The following TRDN variants were observed in gnomAD, a reference collection of about 807,000 sequenced individuals.
TRDN encodes triadin in skeletal muscle.
In TRDN, 161 loss-of-function variants were observed where a neutral mutation model predicts 149.7. That is an observed-to-expected ratio of 1.08 (90% CI 0.95 to 1.23). The LOEUF (loss-of-function observed/expected upper bound fraction) is 1.23. TRDN is among the 50% of genes most tolerant of loss of function. The pLI is 0.00. For missense variants in TRDN, 896 were observed against 823.5 expected, an observed-to-expected ratio of 1.09 and a Z score of -1.08; for synonymous variants, 294 against 250.5, an observed-to-expected ratio of 1.17 and a Z score of -1.64.
At chr6:123,529,919 G>T (rs1380548700) in intron 5 of TRDN, among the ~76,000 whole-genome samples, 1 of 151,896 alleles carries the variant, frequency 6.6e-6, no homozygotes, top group Non-Finnish European at 1.5e-5. Context: ...TATAAGATAA[G>T]CAAGACAATG....
chr6:123,452,753 C>T (rs1193843044), intron 10 of TRDN, among the ~76,000 whole-genome samples: 1 of 151,968 alleles, frequency 6.6e-6, no homozygotes, highest in Non-Finnish European at 1.5e-5. Flanking sequence ...AAAAACAATT[C>T]TAAAATTCAT....
intron 1 of TRDN, among the ~76,000 whole-genome samples, chr6:123,581,631 A>T (rs149857230): frequency 6.6e-6 from 1 of 152,320 alleles, no homozygotes; most frequent in African/African-American, 2.4e-5. Flanking sequence ...CATTTTCATG[A>T]TATGAGAAAA....
chr6:123,322,796 A>C (rs770804052), intron 23 of TRDN, among the ~76,000 whole-genome samples: 12 of 151,750 alleles, frequency 7.9e-5, no homozygotes, highest in Non-Finnish European at 1.5e-4. Flanking sequence ...GCCTACCACC[A>C]CGCCCAGCTA....
intron 1 of TRDN, among the ~76,000 whole-genome samples, chr6:123,580,931 T>A (rs1783091717): frequency 6.6e-6 from 1 of 152,190 alleles, no homozygotes; most frequent in South Asian, 2.1e-4. Flanking sequence ...ATTCATTTCT[T>A]AATTTAATTT....
intron 12 of TRDN, among the ~76,000 whole-genome samples, chr6:123,416,108 A>C (rs989668904): frequency 6.6e-6 from 1 of 152,210 alleles, no homozygotes; most frequent in African/African-American, 2.4e-5. Flanking sequence ...CAGCAGTGTC[A>C]CTAAAGTTAA....
chr6:123,400,756 C>T (rs1444956688), intron 12 of TRDN, among the ~76,000 whole-genome samples: 1 of 152,154 alleles, frequency 6.6e-6, no homozygotes, highest in Non-Finnish European at 1.5e-5. Flanking sequence ...AAAAACCAGC[C>T]CCTTTTTTCT....
At chr6:123,246,144 C>G (rs1053230997) in intron 38 of TRDN, among the ~76,000 whole-genome samples, 7 of 151,872 alleles carry the variant, frequency 4.6e-5, no homozygotes, top group Non-Finnish European at 1.0e-4. Flanking sequence ...GGGAAAAATT[C>G]AAAATTGACA....
intron 24 of TRDN, among the ~76,000 whole-genome samples, chr6:123,311,803 T>C (rs1778834099): frequency 6.6e-6 from 1 of 152,006 alleles, no homozygotes; most frequent in Non-Finnish European, 1.5e-5. Context: ...AGAATGTTTC[T>C]GTTGGAGGAA....
At chr6:123,352,672 T>C (rs774802919) in intron 20 of TRDN, 86 bp from the exon 21 acceptor site, 36 of 1,493,854 alleles carry the variant, frequency 2.4e-5, no homozygotes, top group Non-Finnish European at 3.2e-5. Context: ...GTTCTTTCAA[T>C]GCTAAATCTT....
At chr6:123,625,508 TAGAA>T (rs1479403625) in intron 1 of TRDN, among the ~76,000 whole-genome samples, 8 of 152,306 alleles carry the variant, frequency 5.3e-5, no homozygotes, top group African/African-American at 1.4e-4. Context: ...GAAATATAGT[TAGAA>T]AGAATAATAT....
At chr6:123,317,020 T>C (rs929367388) in intron 23 of TRDN, among the ~76,000 whole-genome samples, 1 of 151,786 alleles carries the variant, frequency 6.6e-6, no homozygotes, top group Non-Finnish European at 1.5e-5. Flanking sequence ...TATAATAATA[T>C]AGACAATTGT....
chr6:123,280,903 C>T (rs957193742), intron 24 of TRDN, among the ~76,000 whole-genome samples: 3 of 151,886 alleles, frequency 2.0e-5, no homozygotes, highest in African/African-American at 4.8e-5. Flanking sequence ...GGAATTGGTG[C>T]GATTCCTAAT....
intron 12 of TRDN, among the ~76,000 whole-genome samples, chr6:123,404,786 G>A (rs1161898877): frequency 1.3e-5 from 2 of 152,184 alleles, no homozygotes; most frequent in Non-Finnish European, 2.9e-5. Flanking sequence ...GGTTCTAAGA[G>A]TTCAAATGCT....
intron 37 of TRDN, among the ~76,000 whole-genome samples, chr6:123,252,971 G>T (rs1484607158): frequency 6.6e-6 from 1 of 151,874 alleles, no homozygotes; most frequent in East Asian, 1.9e-4. Flanking sequence ...AAATTACTTT[G>T]CATTATGTAA....
chr6:123,446,377 A>G (rs938135256), intron 10 of TRDN, among the ~76,000 whole-genome samples: 7 of 152,034 alleles, frequency 4.6e-5, no homozygotes, highest in African/African-American at 4.8e-5. Flanking sequence ...CCTAAAACTT[A>G]AAGTATAATA....
rs1477483338 is a variant in TRDN, at chr6:123,409,326, T to G, written c.1052-15649A>C. ...AATGGGTAGTAGTCAGCAACACAGC[T>G]TTCACAGATTCTCAAAAGCAATATG... On this transcript the variant is annotated intron_variant, in intron 12 of 40. Transcript: ENST00000334268. 2.0e-5 allele frequency among the ~76,000 whole-genome samples: 3 copies of G among 152,316 alleles called. No individual in the cohort carries two copies. The East Asian group carries it at 5.8e-4, about 29-fold the overall frequency.
At chr6:123,407,937 T>C (rs1370585862) in intron 12 of TRDN, among the ~76,000 whole-genome samples, 1 of 152,216 alleles carries the variant, frequency 6.6e-6, no homozygotes, top group African/African-American at 2.4e-5. Context: ...AGTAGCAATA[T>C]TGTAAACACA....
At chr6:123,485,164 G>T (rs1023865619) in intron 9 of TRDN, among the ~76,000 whole-genome samples, 4 of 152,104 alleles carry the variant, frequency 2.6e-5, no homozygotes, top group Non-Finnish European at 4.4e-5. Context: ...TTAAGCCTAG[G>T]CTCGCTCTCA....
chr6:123,322,173 T>G (rs1582869932), intron 23 of TRDN, among the ~76,000 whole-genome samples: 4 of 152,202 alleles, frequency 2.6e-5, no homozygotes, highest in Admixed American at 2.6e-4. Flanking sequence ...GCTCATGAAC[T>G]GAGGAATCCT....
Sources: gnomAD v4.1 joint callset for allele counts (sites outside exome capture counted in the v4.1 genomes callset) on GRCh38, gnomAD v4.1.1 for gene constraint, MANE v1.5 for transcripts, NCBI Gene and HGNC (gene_info 2026-07-23, HGNC 2026-07-21) for gene names.